The following RPF1 variants were observed in gnomAD, a reference collection of about 807,000 sequenced individuals.
The protein encoded by RPF1 is ribosome production factor 1 homolog.
Under a neutral mutation model 41.9 loss-of-function variants are expected in RPF1, and 34 were observed. The observed-to-expected ratio is 0.81, with a 90% CI of 0.62 to 1.08. The LOEUF (loss-of-function observed/expected upper bound fraction) is 1.08. Ranked by LOEUF, RPF1 falls within the 50% of genes least tolerant of loss-of-function variation. The pLI is 0.00. For synonymous variants in RPF1, 140 were observed against 148.9 expected (o/e 0.94, Z 0.43); for missense variants, 425 against 435.2 (o/e 0.98, Z 0.21).
At chr1:84,487,286 T>A (rs1203848886) in intron 3 of RPF1, among the ~76,000 whole-genome samples, 1 of 152,246 alleles carries the variant, frequency 6.6e-6, no homozygotes, top group Non-Finnish European at 1.5e-5. Flanking sequence ...GTGTTCCTGC[T>A]CATCCACATT....
chr1:84,493,999 C>G (rs1477362766), intron 5 of RPF1, among the ~76,000 whole-genome samples: 1 of 151,984 alleles, frequency 6.6e-6, no homozygotes, highest in Non-Finnish European at 1.5e-5. Flanking sequence ...CTACAGCTGT[C>G]AAGACTGTGA....
At chr1:84,481,074 A>C in intron 2 of RPF1, 62 bp downstream of exon 2, 1 of 861,382 alleles carries the variant, frequency 1.2e-6, no homozygotes, top group Non-Finnish European at 1.9e-6. Context: ...CCTGATATTT[A>C]AGTTGAATTA....
chr1:84,482,909 A>C lies in RPF1; in HGVS notation c.286-6A>C, dbSNP rs1226205596. The C allele has an allele frequency of 6.3e-7, 1 of 1,585,466 alleles. No individual in the cohort carries two copies. Among genetic ancestry groups the C allele is most frequent in the Non-Finnish European group, 8.7e-7 (1 of 1,154,980 alleles). ...TCTAAAATGTAATCCCTTCTCTTTT[A>C]CTTAGGCTCCACCAAAGCCTGTACC... On this transcript the variant is annotated splice_polypyrimidine_tract_variant and splice_region_variant and intron_variant, in intron 2 of 8. Transcript: ENST00000370654.
At chr1:84,480,857 T>G in intron 1 of RPF1, 99 bp from the exon 2 acceptor site, 1 of 669,878 alleles carries the variant, frequency 1.5e-6, no homozygotes, top group South Asian at 1.9e-5. Flanking sequence ...GACCGCCCAG[T>G]TCGAGTATTC....
intron 2 of RPF1, among the ~76,000 whole-genome samples, chr1:84,481,353 A>G (rs1681643720): frequency 6.6e-6 from 1 of 152,182 alleles, no homozygotes; most frequent in Non-Finnish European, 1.5e-5. Flanking sequence ...TTTGCATATA[A>G]CTTTGTGTTT....
At chr1:84,496,726 A>T (rs554781219) in intron 8 of RPF1, among the ~76,000 whole-genome samples, 2 of 152,104 alleles carry the variant, frequency 1.3e-5, no homozygotes, top group Non-Finnish European at 2.9e-5. Flanking sequence ...TCGATCAGCA[A>T]TTTAGGGGGT....
intron 6 of RPF1, 78 bp downstream of exon 6, chr1:84,495,533 G>A: frequency 1.5e-6 from 1 of 680,096 alleles, no homozygotes; most frequent in Non-Finnish European, 2.5e-6. Context: ...GTATCTTATA[G>A]CTCTAATTTA....
chr1:84,490,187 T>C, intron 4 of RPF1, 132 bp from the exon 5 acceptor site: 1 of 610,162 alleles, frequency 1.6e-6, no homozygotes, highest in Non-Finnish European at 2.7e-6. Flanking sequence ...ACTGTTCGAG[T>C]TTCATGCTTT....
At position 84,482,904 on chromosome 1, in the gene RPF1, C is replaced by T; in HGVS notation, c.286-11C>T. The T allele has an allele frequency of 6.4e-7, 1 of 1,573,946 alleles. No individual in the cohort carries two copies. Among genetic ancestry groups the T allele is most frequent in the Non-Finnish European group, 8.7e-7 (1 of 1,146,644 alleles). On this transcript the variant is annotated splice_polypyrimidine_tract_variant and intron_variant, in intron 2 of 8. Transcript: ENST00000370654. ...ATCCTTCTAAAATGTAATCCCTTCT[C>T]TTTTACTTAGGCTCCACCAAAGCCT...
chr1:84,496,260 G>GA lies in RPF1; in HGVS notation c.902dup (p.Lys302GlufsTer24). 1.2e-6 allele frequency: 2 copies of GA among 1,613,360 alleles called. No homozygotes were observed. The highest frequency in any genetic ancestry group is 1.7e-6 in the Non-Finnish European group (2 of 1,179,498). ...TCTTTGAAGATACATATTCAGGAGT[G>GA]AAAAGAAAGTGGGAATTCAGGAACT... On this transcript the variant is annotated frameshift_variant, in exon 8 of 9. Coordinates refer to ENST00000370654, the MANE Select transcript of RPF1 (RefSeq NM_025065.7). LOFTEE classifies it high-confidence loss of function.
intron 3 of RPF1, among the ~76,000 whole-genome samples, chr1:84,486,494 A>C (rs1001717874): frequency 6.7e-6 from 1 of 149,074 alleles, no homozygotes; most frequent in African/African-American, 2.5e-5. Flanking sequence ...AGGCTGAAGC[A>C]GGAGAATGGC....
rs758264553 is a variant in RPF1, at chr1:84,479,484, C to G, written c.203C>G (p.Thr68Arg). Residue 68 changes from threonine to arginine, a missense_variant, in exon 1 of 9, where the codon ACG becomes AGG. By Grantham distance (71) the Thr-to-Arg change is moderately conservative (BLOSUM62 -1). Transcript: ENST00000370654. Reference protein sequence around the residue: ...KNKQRRHLMFTRWKQQQRKEK... With the variant: ...KNKQRRHLMFRRWKQQQRKEK... Reference sequence around the variant, plus strand: ...AAACAGCGGCGACACTTAATGTTCACGCGGTGGAAACAGCAGCAGCGGAAG... The same window carrying G: ...AAACAGCGGCGACACTTAATGTTCAGGCGGTGGAAACAGCAGCAGCGGAAG... 9 of 1,614,118 alleles carry G rather than the reference C, an allele frequency of 5.6e-6. No homozygotes were observed. The highest frequency in any genetic ancestry group is 7.6e-6 in the Non-Finnish European group (9 of 1,179,972).
intron 3 of RPF1, among the ~76,000 whole-genome samples, chr1:84,486,058 C>A (rs1185535055): frequency 6.6e-6 from 1 of 152,064 alleles, no homozygotes; most frequent in Non-Finnish European, 1.5e-5. Context: ...GCAAAAAGAG[C>A]CCCAGAATGA....
intron 4 of RPF1, 22 bp from the exon 5 acceptor site, chr1:84,490,297 T>C (rs766405118): frequency 5.4e-5 from 81 of 1,500,104 alleles, no homozygotes; most frequent in Non-Finnish European, 6.7e-5. Flanking sequence ...CTATTCAAAA[T>C]TTTTGTTATT....
chr1:84,487,208 C>T lies in RPF1; in HGVS notation c.367-2425C>T, dbSNP rs1681752283. On this transcript the variant is annotated intron_variant, in intron 3 of 8. Transcript: ENST00000370654. Reference sequence around the variant, plus strand: ...TGGAATGTGTAAATGTTTAACTTTACATAATTGTACCAAAATATTTTTCAA... The same window carrying T: ...TGGAATGTGTAAATGTTTAACTTTATATAATTGTACCAAAATATTTTTCAA... 2.0e-5 allele frequency among the ~76,000 whole-genome samples: 3 copies of T among 152,244 alleles called. No individual in the cohort carries two copies. In the South Asian group the frequency reaches 6.2e-4, roughly 32 times the overall value.
chr1:84,491,973 CA>C (rs1681842195), intron 5 of RPF1, among the ~76,000 whole-genome samples: 2 of 152,110 alleles, frequency 1.3e-5, no homozygotes, highest in Admixed American at 1.3e-4. Flanking sequence ...CCAGCCTAGC[CA>C]ACACAGCAAA....
rs1310572360 is a variant in RPF1, at chr1:84,489,743, T to G, written c.462+15T>G. ...GACCTCATGGGGTAAACACATTGAT[T>G]AATTTAGTTCTTGAATTCTTAATTT... On this transcript the variant is annotated intron_variant, in intron 4 of 8. Coordinates refer to ENST00000370654, the MANE Select transcript of RPF1 (RefSeq NM_025065.7). 8 of 1,368,244 alleles carry G rather than the reference T, an allele frequency of 5.8e-6. No homozygotes were observed. The highest frequency in any genetic ancestry group is 8.4e-6 in the Non-Finnish European group (8 of 956,440). 84.8% of individuals were successfully genotyped at this position (1,368,244 alleles called of 1,614,324 possible). A position where few individuals can be genotyped will look rare whatever the true frequency, so the allele number is the denominator to read the frequency against.
intron 5 of RPF1, among the ~76,000 whole-genome samples, chr1:84,491,406 A>G (rs1401598493): frequency 6.6e-6 from 1 of 152,174 alleles, no homozygotes; most frequent in African/African-American, 2.4e-5. Flanking sequence ...TGAACACTCT[A>G]TTAGTGGTTT....
rs746431635 is a variant in RPF1 at position 84,497,449 on chromosome 1, T to G, written c.1029T>G (p.Ser343Arg). 6.2e-7 allele frequency: 1 copy of G among 1,612,128 alleles called. No individual in the cohort carries two copies. Among genetic ancestry groups the G allele is most frequent in the African/African-American group, 1.3e-5 (1 of 74,922 alleles). The change falls in exon 9 of 9, where the codon AGT (serine) becomes AGG (arginine). Residue 343 changes from serine (S) to arginine (R), a missense_variant. Physicochemically the swap from Ser to Arg is moderately radical, Grantham distance 110 (BLOSUM62 -1). Transcript: ENST00000370654. ...WVHKPREMDT[S>R]RRKFHL The stretch of plus-strand genomic sequence containing the variant: ...TTCAGCCCCGGGAAATGGATACAAG[T>G]AGAAGAAAATTCCATTTATAAAGTA...
Sources: allele counts gnomAD v4.1 joint callset (sites outside exome capture counted in the v4.1 genomes callset), GRCh38; gene constraint gnomAD v4.1.1; transcripts MANE v1.5; gene names NCBI Gene and HGNC (gene_info 2026-07-23, HGNC 2026-07-21).